The following DNAH6 variants were observed in gnomAD, a reference collection of about 807,000 sequenced individuals.
The protein encoded by DNAH6 is axonemal beta dynein heavy chain 6.
DNAH6 carries 340 observed loss-of-function variants against 491.4 expected under a neutral mutation model. That is an observed-to-expected ratio of 0.69 (90% CI 0.63 to 0.76). DNAH6 has a LOEUF of 0.76. DNAH6 is among the 30% of genes least tolerant of loss of function. DNAH6 has a pLI of 0.00. For missense variants in DNAH6, 4,443 were observed against 4,972.2 expected (o/e 0.89, Z 3.20); for synonymous variants, 1,603 against 1,686.1 (o/e 0.95, Z 1.21).
At chr2:84,611,926 A>T in intron 22 of DNAH6, 72 bp downstream of exon 22, 2 of 1,340,424 alleles carry the variant, frequency 1.5e-6, no homozygotes, top group South Asian at 2.9e-5. Context: ...GTCCCAGACT[A>T]AAATGTTTCT....
chr2:84,818,642 C>T (rs963588839), intron 76 of DNAH6, among the ~76,000 whole-genome samples: 8 of 152,008 alleles, frequency 5.3e-5, no homozygotes, highest in Non-Finnish European at 8.8e-5. Context: ...GGAAACTTAA[C>T]AGGACAAACA....
the DNAH6 span, among the ~76,000 whole-genome samples, chr2:84,475,791 C>A: frequency 6.6e-6 from 1 of 152,166 alleles, no homozygotes; most frequent in Non-Finnish European, 1.5e-5. Flanking sequence ...CCTCTTGGAG[C>A]CGAGCAATAA....
At chr2:84,507,718 C>G in the DNAH6 span, among the ~76,000 whole-genome samples, 1 of 152,240 alleles carries the variant, frequency 6.6e-6, no homozygotes, top group African/African-American at 2.4e-5. Context: ...ATAGATAGCT[C>G]TTATTATTTT....
At chr2:84,807,147 T>G (rs1679497258) in intron 71 of DNAH6, among the ~76,000 whole-genome samples, 1 of 152,124 alleles carries the variant, frequency 6.6e-6, no homozygotes, top group Admixed American at 6.6e-5. Flanking sequence ...GCAAAAGAAC[T>G]GAGGGTTTGA....
At chr2:84,676,499 A>G (rs889863226) in intron 40 of DNAH6, among the ~76,000 whole-genome samples, 1 of 152,240 alleles carries the variant, frequency 6.6e-6, no homozygotes, top group South Asian at 2.1e-4. Context: ...TAATGACTCA[A>G]CAATATAAAA....
the DNAH6 span, among the ~76,000 whole-genome samples, chr2:84,486,486 C>T: frequency 6.6e-6 from 1 of 152,142 alleles, no homozygotes; most frequent in East Asian, 1.9e-4. Context: ...CCTGGGGACA[C>T]CTGGATACAG....
At chr2:84,687,152 C>T in intron 44 of DNAH6, among the ~76,000 whole-genome samples, 1 of 152,174 alleles carries the variant, frequency 6.6e-6, no homozygotes, top group African/African-American at 2.4e-5. Flanking sequence ...TACTCTCTGT[C>T]TAATTTTTAC....
intron 11 of DNAH6, among the ~76,000 whole-genome samples, chr2:84,565,717 A>G (rs1172571184): frequency 6.6e-6 from 1 of 151,944 alleles, no homozygotes; most frequent in African/African-American, 2.4e-5. Flanking sequence ...GTGACTGTCT[A>G]TGTCTTTTCG....
intron 11 of DNAH6, among the ~76,000 whole-genome samples, chr2:84,568,569 G>A (rs750464897): frequency 1.2e-4 from 18 of 152,138 alleles, no homozygotes; most frequent in Non-Finnish European, 2.6e-4. Context: ...ATCAGGGTCT[G>A]TGGGGAGGGA....
At chr2:84,598,388 C>A (rs576011841) in intron 18 of DNAH6, among the ~76,000 whole-genome samples, 3 of 152,150 alleles carry the variant, frequency 2.0e-5, no homozygotes, top group African/African-American at 7.2e-5. Context: ...TTTGTTTATC[C>A]ATTCACCTGG....
chr2:84,792,624 AAAAAG>A (rs1450546193), intron 68 of DNAH6, among the ~76,000 whole-genome samples: 1 of 152,202 alleles, frequency 6.6e-6, no homozygotes, highest in Non-Finnish European at 1.5e-5. Context: ...AGTAGCTCCA[AAAAAG>A]GAAGTGTGTA....
chr2:84,766,470 T>C (rs1675087657), intron 64 of DNAH6, among the ~76,000 whole-genome samples: 1 of 152,146 alleles, frequency 6.6e-6, no homozygotes, highest in African/African-American at 2.4e-5. Flanking sequence ...TAAGTGGAAG[T>C]AGATGACAAA....
chr2:84,616,818 GAT>G, intron 22 of DNAH6, 66 bp from the exon 23 acceptor site: 1 of 708,116 alleles, frequency 1.4e-6, no homozygotes, highest in Non-Finnish European at 2.2e-6. Context: ...ATTTTAAAGT[GAT>G]ATTTTTTCAG....
At chr2:84,765,772 T>A (rs1444175756) in intron 64 of DNAH6, among the ~76,000 whole-genome samples, 4 of 151,926 alleles carry the variant, frequency 2.6e-5, no homozygotes, top group African/African-American at 4.8e-5. Flanking sequence ...CAAATAAAAG[T>A]GATCAAGTTA....
chr2:84,563,020 C>A (rs943902345), intron 11 of DNAH6, among the ~76,000 whole-genome samples: 1 of 152,086 alleles, frequency 6.6e-6, no homozygotes, highest in Non-Finnish European at 1.5e-5. Context: ...GAATAAGTCT[C>A]AGGAGATCTG....
intron 12 of DNAH6, 76 bp from the exon 13 acceptor site, chr2:84,577,181 T>A: frequency 1.1e-6 from 1 of 886,392 alleles, no homozygotes; most frequent in Middle Eastern, 2.5e-4. Flanking sequence ...ATGCAATGAT[T>A]TTTAATATAT....
intron 11 of DNAH6, among the ~76,000 whole-genome samples, chr2:84,558,696 C>CT (rs1196995450): frequency 6.6e-6 from 1 of 152,156 alleles, no homozygotes; most frequent in Admixed American, 6.5e-5. Flanking sequence ...CTAAAGCATG[C>CT]TTGAAGACTT....
chr2:84,627,572 G>A (rs904829327), intron 29 of DNAH6, among the ~76,000 whole-genome samples: 4 of 152,108 alleles, frequency 2.6e-5, no homozygotes, highest in Non-Finnish European at 5.9e-5. Flanking sequence ...TCTGTCTGTG[G>A]CAGCTTATAG....
At chr2:84,596,446 C>T (rs951533939) in intron 18 of DNAH6, among the ~76,000 whole-genome samples, 1 of 151,948 alleles carries the variant, frequency 6.6e-6, no homozygotes, top group Admixed American at 6.6e-5. Flanking sequence ...GCCCCAGCCT[C>T]CTGAGTAGCT....
Sources: allele counts gnomAD v4.1 joint callset (sites outside exome capture counted in the v4.1 genomes callset), GRCh38; gene constraint gnomAD v4.1.1; transcripts MANE v1.5; gene names NCBI Gene and HGNC (gene_info 2026-07-23, HGNC 2026-07-21).